The following CDH18 variants were observed in gnomAD, a reference collection of about 807,000 sequenced individuals.
CDH18 encodes cadherin 18.
CDH18 carries 31 observed loss-of-function variants against 67.9 expected under a neutral mutation model. That is an observed-to-expected ratio of 0.46 (90% CI 0.34 to 0.62). The LOEUF (loss-of-function observed/expected upper bound fraction) is 0.62, where lower values mean the gene tolerates loss of function less well. Among genes scored for constraint, CDH18 ranks in the 20% least tolerant of loss-of-function variants. CDH18 has a pLI of 0.01. For synonymous variants in CDH18, 362 were observed against 347.2 expected (o/e 1.04, Z -0.48); for missense variants, 890 against 975.5 (o/e 0.91, Z 1.17).
At chr5:20,401,171 T>C (rs1021732537) in intron 1 of CDH18, among the ~76,000 whole-genome samples, 3 of 152,220 alleles carry the variant, frequency 2.0e-5, no homozygotes, top group African/African-American at 4.8e-5. Context: ...ATATTCCCGA[T>C]GTTGATAAAA....
At chr5:20,254,054 C>T (rs1392983889) in intron 2 of CDH18, among the ~76,000 whole-genome samples, 1 of 152,156 alleles carries the variant, frequency 6.6e-6, no homozygotes. Context: ...TAGTAGTAGA[C>T]ATTTCACCAA....
intron 1 of CDH18, among the ~76,000 whole-genome samples, chr5:20,523,728 T>C (rs1466097228): frequency 1.3e-5 from 2 of 152,036 alleles, no homozygotes; most frequent in Non-Finnish European, 2.9e-5. Flanking sequence ...TTAGTAGAGA[T>C]GGCATTTCAC....
chr5:19,714,443 T>C (rs1216692415), intron 5 of CDH18, among the ~76,000 whole-genome samples: 1 of 152,104 alleles, frequency 6.6e-6, no homozygotes, highest in African/African-American at 2.4e-5. Context: ...TCTTGTGTTG[T>C]TGTCCTCACA....
At chr5:19,898,036 TTTAAAAATG>T (rs1789541575) in intron 2 of CDH18, among the ~76,000 whole-genome samples, 1 of 152,126 alleles carries the variant, frequency 6.6e-6, no homozygotes, top group Non-Finnish European at 1.5e-5. Flanking sequence ...TGCTTCAATT[TTTAAAAATG>T]TGTTTCTTTC....
intron 1 of CDH18, among the ~76,000 whole-genome samples, chr5:20,532,234 A>T (rs1756450840): frequency 6.6e-6 from 1 of 152,086 alleles, no homozygotes; most frequent in Non-Finnish European, 1.5e-5. Context: ...AAATGTGTGT[A>T]TTTCACCTTG....
intron 8 of CDH18, among the ~76,000 whole-genome samples, chr5:19,547,008 C>T (rs1439746808): frequency 1.3e-5 from 2 of 152,036 alleles, no homozygotes; most frequent in Non-Finnish European, 2.9e-5. Context: ...ACACAAAAAC[C>T]AGATGCTACA....
chr5:20,462,974 G>T (rs1046941367), intron 1 of CDH18, among the ~76,000 whole-genome samples: 2 of 152,060 alleles, frequency 1.3e-5, no homozygotes, highest in Admixed American at 1.3e-4. Context: ...ACATACTCTG[G>T]AGCAAAACTG....
chr5:20,230,293 A>C (rs575836100), intron 2 of CDH18, among the ~76,000 whole-genome samples: 2 of 152,184 alleles, frequency 1.3e-5, no homozygotes, highest in South Asian at 2.1e-4. Context: ...TCATCCACTA[A>C]ACTCCTGCAG....
chr5:19,599,890 A>T (rs1273398551), intron 6 of CDH18, among the ~76,000 whole-genome samples: 1 of 152,110 alleles, frequency 6.6e-6, no homozygotes, highest in African/African-American at 2.4e-5. Flanking sequence ...GTGTCTCAAT[A>T]AAAACAAGAC....
rs559613454 is a variant in CDH18 at position 19,747,410 on chromosome 5, A to T, written c.229-174T>A. On this transcript the variant is annotated intron_variant, in intron 3 of 12. Transcript: ENST00000382275. ...TGCAGTTTTTTTTTTTCACTTGGTTAATCATATGGATATTGCTATCATGGT... is the reference window on the plus strand; with the variant it reads ...TGCAGTTTTTTTTTTTCACTTGGTTTATCATATGGATATTGCTATCATGGT... Among the ~76,000 whole-genome samples the T allele has an allele frequency of 6.6e-5, 10 of 150,508 alleles. No homozygotes were observed. In the East Asian group the frequency reaches 1.9e-3, roughly 29 times the overall value.
intron 1 of CDH18, among the ~76,000 whole-genome samples, chr5:20,422,532 A>G (rs1303368535): frequency 1.3e-5 from 2 of 151,050 alleles, no homozygotes; most frequent in Non-Finnish European, 2.9e-5. Flanking sequence ...ATGGATTTTT[A>G]TATTACATAT....
At chr5:20,044,322 T>C (rs1284127587) in intron 2 of CDH18, among the ~76,000 whole-genome samples, 2 of 152,116 alleles carry the variant, frequency 1.3e-5, no homozygotes, top group Non-Finnish European at 1.5e-5. Flanking sequence ...ATAAAAACCA[T>C]ATGAATAAAA....
At chr5:20,454,122 G>T (rs1179673609) in intron 1 of CDH18, among the ~76,000 whole-genome samples, 1 of 152,034 alleles carries the variant, frequency 6.6e-6, no homozygotes, top group Non-Finnish European at 1.5e-5. Context: ...TAGCAAATTT[G>T]CCTAGGCCAA....
At chr5:20,309,406 A>C (rs762010896) in intron 1 of CDH18, among the ~76,000 whole-genome samples, 2 of 152,244 alleles carry the variant, frequency 1.3e-5, no homozygotes, top group Admixed American at 6.5e-5. Flanking sequence ...AAAGAATCAG[A>C]AAATTTAATT....
At chr5:20,232,953 T>C (rs1320938415) in intron 2 of CDH18, among the ~76,000 whole-genome samples, 5 of 151,902 alleles carry the variant, frequency 3.3e-5, no homozygotes, top group Non-Finnish European at 7.4e-5. Context: ...ACCAGATTAT[T>C]CAGTAAAAAA....
chr5:19,823,866 GT>G (rs1297970305), intron 3 of CDH18, among the ~76,000 whole-genome samples: 5 of 152,060 alleles, frequency 3.3e-5, no homozygotes, highest in Admixed American at 1.3e-4. Context: ...TATCAGCAGT[GT>G]GTTAAACATA....
chr5:20,095,253 T>C (rs1446961990), intron 2 of CDH18, among the ~76,000 whole-genome samples: 1 of 146,608 alleles, frequency 6.8e-6, no homozygotes, highest in African/African-American at 2.6e-5. Context: ...TGTATACCTA[T>C]GTAACAAACC....
intron 3 of CDH18, among the ~76,000 whole-genome samples, chr5:19,824,188 G>T (rs1343832790): frequency 2.0e-5 from 3 of 152,188 alleles, no homozygotes; most frequent in East Asian, 3.8e-4. Flanking sequence ...TTGGATAGAA[G>T]ATGGCAGATT....
intron 2 of CDH18, among the ~76,000 whole-genome samples, chr5:19,974,490 G>A (rs1382174506): frequency 7.5e-6 from 1 of 132,950 alleles, no homozygotes; most frequent in Non-Finnish European, 1.5e-5. Flanking sequence ...TTGCACTCCA[G>A]CCTGGGCGAC....
Sources: allele counts gnomAD v4.1 joint callset (sites outside exome capture counted in the v4.1 genomes callset), GRCh38; gene constraint gnomAD v4.1.1; transcripts MANE v1.5; gene names NCBI Gene and HGNC (gene_info 2026-07-23, HGNC 2026-07-21).